ZBTB8OS: variants seen among roughly 807,000 people sequenced by gnomAD.
ZBTB8OS encodes the protein tRNA splicing ligase complex subunit 1, also known as tRNA-splicing ligase-activating factor archease.
A neutral mutation model predicts 29.3 loss-of-function variants in ZBTB8OS; 16 were observed. The observed-to-expected ratio is 0.55, with a 90% CI of 0.37 to 0.83. The LOEUF (loss-of-function observed/expected upper bound fraction) is 0.83. ZBTB8OS is among the 40% of genes least tolerant of loss of function. ZBTB8OS has a pLI of 0.00. For synonymous variants in ZBTB8OS, 70 were observed against 64.6 expected (o/e 1.08, Z -0.40); for missense variants, 160 against 196.9 (o/e 0.81, Z 1.12).
intron 1 of ZBTB8OS, among the ~76,000 whole-genome samples, chr1:32,635,691 ATAAC>A: frequency 6.6e-6 from 1 of 152,196 alleles, no homozygotes; most frequent in Non-Finnish European, 1.5e-5. Flanking sequence ...TTGCAAAATT[ATAAC>A]TAAGGAAATT....
chr1:32,639,644 G>C (rs2148419445), intron 1 of ZBTB8OS, among the ~76,000 whole-genome samples: 1 of 152,122 alleles, frequency 6.6e-6, no homozygotes, highest in South Asian at 2.1e-4. Flanking sequence ...TGTAGTCCCA[G>C]CTACTTGGGA....
intron 5 of ZBTB8OS, among the ~76,000 whole-genome samples, chr1:32,630,180 T>TA (rs765586885): frequency 6.6e-6 from 1 of 152,166 alleles, no homozygotes; most frequent in African/African-American, 2.4e-5. Flanking sequence ...CCACAGGAGT[T>TA]AGAGACCAGC....
intron 2 of ZBTB8OS, 76 bp from the exon 3 acceptor site, chr1:32,634,148 A>G (rs760112633): frequency 5.0e-5 from 65 of 1,290,938 alleles, no homozygotes; most frequent in Non-Finnish European, 6.2e-5. Flanking sequence ...CAAAGTCAAA[A>G]TAAATTCAGT....
intron 6 of ZBTB8OS, among the ~76,000 whole-genome samples, chr1:32,623,422 ATTC>A (rs1644881981): frequency 6.6e-6 from 1 of 152,126 alleles, no homozygotes; most frequent in Admixed American, 6.6e-5. Flanking sequence ...TCTAGTGATC[ATTC>A]CTCCCTCATT....
At chr1:32,633,609 C>A in intron 4 of ZBTB8OS, 36 bp downstream of exon 4, 1 of 1,412,578 alleles carries the variant, frequency 7.1e-7, no homozygotes, top group South Asian at 1.2e-5. Context: ...AACTAAGAAT[C>A]CATTTGCTCA....
chr1:32,643,104 CTT>C (rs1384002751), intron 1 of ZBTB8OS, among the ~76,000 whole-genome samples: 7 of 120,058 alleles, frequency 5.8e-5, no homozygotes, highest in East Asian at 2.7e-4. Context: ...GAGTTTCGCT[CTT>C]GTTTCCCAGG....
rs1450222384 is a variant in ZBTB8OS at position 32,647,173 on chromosome 1, A to G, written c.97+3260T>C. 4.7e-5 allele frequency among the ~76,000 whole-genome samples: 7 copies of G among 149,518 alleles called. No individual in the cohort carries two copies. In the East Asian group the frequency reaches 1.4e-3, roughly 30 times the overall value. On this transcript the variant is annotated intron_variant, in intron 1 of 6. Coordinates refer to ENST00000468695, the MANE Select transcript of ZBTB8OS (RefSeq NM_178547.5). ...AGTTCGAGATTGGAAGTTCGAGACC[A>G]CCCTGACCAACATGGAGAAACCCCA...
intron 5 of ZBTB8OS, among the ~76,000 whole-genome samples, chr1:32,628,333 G>A (rs1348037062): frequency 7.0e-6 from 1 of 142,246 alleles, no homozygotes; most frequent in Non-Finnish European, 1.5e-5. Context: ...CTCCACCCTA[G>A]GCAACAGAGC....
intron 1 of ZBTB8OS, among the ~76,000 whole-genome samples, chr1:32,636,078 C>T (rs752326237): frequency 6.6e-6 from 1 of 152,136 alleles, no homozygotes; most frequent in South Asian, 2.1e-4. Context: ...CACCCAGACT[C>T]GTTATCTGGC....
chr1:32,643,574 C>G (rs1414282070), intron 1 of ZBTB8OS, among the ~76,000 whole-genome samples: 1 of 151,710 alleles, frequency 6.6e-6, no homozygotes, highest in Non-Finnish European at 1.5e-5. Context: ...CGGCTCACCA[C>G]AACCCCTGCC....
chr1:32,630,949 G>T lies in ZBTB8OS; in HGVS notation c.380+878C>A, dbSNP rs557115539. Among the ~76,000 whole-genome samples, 13 of 152,206 alleles carry T rather than the reference G, an allele frequency of 8.5e-5. No individual in the cohort carries two copies. In the East Asian group the frequency reaches 1.7e-3, roughly 20 times the overall value. ...AATCGCTTGAACCCAGGAGGTGGAG[G>T]TTGCAGTGAGCTGAGATCACACACT... is the stretch of plus-strand genomic sequence containing the variant. On this transcript the variant is annotated intron_variant, in intron 5 of 6. Coordinates refer to ENST00000468695, the MANE Select transcript of ZBTB8OS (RefSeq NM_178547.5).
chr1:32,644,855 C>G (rs972394808), intron 1 of ZBTB8OS, among the ~76,000 whole-genome samples: 7 of 151,714 alleles, frequency 4.6e-5, no homozygotes, highest in African/African-American at 1.7e-4. Context: ...GTTTAATTTA[C>G]TACCACGCAC....
intron 1 of ZBTB8OS, 29 bp downstream of exon 1, chr1:32,650,404 G>C: frequency 6.2e-7 from 1 of 1,613,784 alleles, no homozygotes; most frequent in Non-Finnish European, 8.5e-7. Flanking sequence ...GTGCTTACAT[G>C]TAAAGAGAGA....
rs1644741968 is a variant in ZBTB8OS, at chr1:32,621,318, G to C, written c.*544C>G. ...GGAGGCTGAGGTAGGAGAATGGCGT[G>C]AACCCGGGAGGTGGAGCTTGCAGTA... On this transcript the variant is annotated 3_prime_UTR_variant, in exon 7 of 7. Coordinates refer to ENST00000468695, the MANE Select transcript of ZBTB8OS (RefSeq NM_178547.5). The C allele has an allele frequency of 6.6e-6, 1 of 150,556 alleles. No homozygotes were observed. Among genetic ancestry groups the C allele is most frequent in the Non-Finnish European group, 1.5e-5 (1 of 68,146 alleles). 9.3% of individuals were successfully genotyped at this position (150,556 alleles called of 1,614,324 possible). A position where few individuals can be genotyped will look rare whatever the true frequency, so the allele number is the denominator to read the frequency against.
At chr1:32,641,118 G>A (rs1646364274) in intron 1 of ZBTB8OS, among the ~76,000 whole-genome samples, 1 of 151,878 alleles carries the variant, frequency 6.6e-6, no homozygotes, top group Admixed American at 6.6e-5. Context: ...GTTGCAGTAA[G>A]CCGAGATCGT....
At position 32,633,702 on chromosome 1, in the gene ZBTB8OS, A is replaced by G. The variant is rs1200728493; in HGVS notation, c.270T>C (p.Phe90=). ...TATAAAGCCATTCATCCAAAAAGTG[A>G]AACAGAAGAGACTGTAAGTCATCTC... The part of the protein sequence containing the change: ...TQGDDLQSLL[F]HFLDEWLYKF... Residue 90 remains phenylalanine, a synonymous_variant, in exon 4 of 7, where the codon TTT becomes TTC. Coordinates refer to ENST00000468695, the MANE Select transcript of ZBTB8OS (RefSeq NM_178547.5). The G allele has an allele frequency of 1.2e-6, 2 of 1,610,102 alleles. No individual in the cohort carries two copies. Among genetic ancestry groups the G allele is most frequent in the Non-Finnish European group, 8.5e-7 (1 of 1,178,958 alleles).
chr1:32,650,137 C>G (rs1186484317), intron 1 of ZBTB8OS, among the ~76,000 whole-genome samples: 1 of 152,086 alleles, frequency 6.6e-6, no homozygotes. Context: ...ACCCTGCAAA[C>G]GCCTGAAAAT....
intron 1 of ZBTB8OS, among the ~76,000 whole-genome samples, chr1:32,649,363 T>A (rs1476611858): frequency 6.6e-6 from 1 of 152,018 alleles, no homozygotes; most frequent in African/African-American, 2.4e-5. Context: ...CTATGGTAAA[T>A]AAGTAGATTT....
At chr1:32,633,893 C>T (rs1645754738) in intron 3 of ZBTB8OS, 58 bp downstream of exon 3, 1 of 1,520,162 alleles carries the variant, frequency 6.6e-7, no homozygotes, top group South Asian at 1.3e-5. Context: ...ATGTAGAATA[C>T]TGCACAATTC....
Sources: allele counts gnomAD v4.1 joint callset (sites outside exome capture counted in the v4.1 genomes callset), GRCh38; gene constraint gnomAD v4.1.1; transcripts MANE v1.5; gene names NCBI Gene and HGNC (gene_info 2026-07-23, HGNC 2026-07-21).